The following TSPAN10 variants were observed in gnomAD, a reference collection of about 807,000 sequenced individuals.
TSPAN10 encodes the protein tetraspanin 10, also known as tetraspanin-10.
A neutral mutation model predicts 15.0 loss-of-function variants in TSPAN10; 11 were observed. That is an observed-to-expected ratio of 0.73 (90% CI 0.46 to 1.21). TSPAN10 has a LOEUF of 1.21. Ranked by LOEUF, TSPAN10 falls within the 50% of genes most tolerant of loss-of-function variation. The pLI, the probability that TSPAN10 is intolerant of heterozygous loss-of-function variation, is 0.00. For synonymous variants in TSPAN10, 241 were observed against 226.2 expected, an observed-to-expected ratio of 1.07 and a Z score of -0.59; for missense variants, 486 against 470.6, an observed-to-expected ratio of 1.03 and a Z score of -0.30.
chr17:81,642,997 A>ATATG (rs2036194651), intron 1 of TSPAN10, among the ~76,000 whole-genome samples: 1 of 21,084 alleles, frequency 4.7e-5, no homozygotes, highest in Admixed American at 6.6e-4. Flanking sequence ...ACAAAATATT[A>ATATG]TATATATATA....
intron 1 of TSPAN10, among the ~76,000 whole-genome samples, chr17:81,644,301 C>T (rs74002479): frequency 0.5 from 76,129 of 151,420 alleles, 21,029 homozygotes; most frequent in East Asian, 0.99. Context: ...AGCCTCCAGG[C>T]GGTCTTCCTG....
downstream of TSPAN10, chr17:81,648,329 G>A: frequency 8.3e-7 from 1 of 1,200,196 alleles, no homozygotes; most frequent in African/African-American, 1.6e-5. Context: ...GCCACGCACA[G>A]GGATACAGGG....
upstream of TSPAN10, among the ~76,000 whole-genome samples, chr17:81,640,517 C>T (rs141850521): frequency 1.7e-3 from 260 of 152,272 alleles, 7 homozygotes; most frequent in East Asian, 0.043. Context: ...GGCACCATCT[C>T]GGCTCACTGC....
upstream of TSPAN10, among the ~76,000 whole-genome samples, chr17:81,640,192 C>T (rs2036166142): frequency 6.6e-6 from 1 of 152,018 alleles, no homozygotes; most frequent in South Asian, 2.1e-4. Context: ...CTATGTTGCC[C>T]AGGCTGGTCT....
chr17:81,646,490 T>C (rs1333545789), intron 2 of TSPAN10: 1 of 151,688 alleles, frequency 6.6e-6, no homozygotes, highest in Non-Finnish European at 1.5e-5. Context: ...CCATTCTGGC[T>C]AACACGATGA....
At chr17:81,640,450 C>CA (rs1324116708), upstream of TSPAN10, among the ~76,000 whole-genome samples, 2 of 151,848 alleles carry the variant, frequency 1.3e-5, no homozygotes, top group Non-Finnish European at 2.9e-5. Context: ...ACGCTAATGG[C>CA]ACTTATTTAT....
exon 2 of TSPAN10, chr17:81,645,468 G>C (rs1356226811): frequency 1.9e-6 from 3 of 1,585,470 alleles, no homozygotes; most frequent in Non-Finnish European, 2.6e-6. Context: ...GGGCCCTGGT[G>C]GTGGCCCTCT....
upstream of TSPAN10, among the ~76,000 whole-genome samples, chr17:81,640,556 C>G (rs575298269): frequency 6.6e-6 from 1 of 152,270 alleles, no homozygotes; most frequent in South Asian, 2.1e-4. Context: ...CCCAGCAATT[C>G]CCCTGCCTCA....
upstream of TSPAN10, among the ~76,000 whole-genome samples, chr17:81,639,866 G>A (rs1174125016): frequency 6.6e-6 from 1 of 152,018 alleles, no homozygotes. Context: ...TGTAGTCCCA[G>A]CTACTCGGGA....
chr17:81,640,338 G>A (rs115468962), upstream of TSPAN10, among the ~76,000 whole-genome samples: 1,155 of 149,892 alleles, frequency 7.7e-3, 7 homozygotes, highest in African/African-American at 0.027. Flanking sequence ...CCTTCTCCCC[G>A]AGACCTCACA....
exon 3 of TSPAN10, chr17:81,647,992 G>T (rs201722214): frequency 1.9e-6 from 3 of 1,611,082 alleles, no homozygotes; most frequent in East Asian, 2.2e-5. Context: ...CTCTGTCAAC[G>T]ACCAGTGCGG....
chr17:81,644,974 TTCC>T lies in TSPAN10; in HGVS notation c.37-15_37-13del. ...TCTGGGTGAATGCGGTCTCACCCTG[TTCC>T]TCTTCCCTCTGCAGGAAACTGCAGG... On this transcript the variant is annotated splice_polypyrimidine_tract_variant and intron_variant, in intron 1 of 2. Transcript: ENST00000611590. The T allele has an allele frequency of 1.2e-6, 2 of 1,609,156 alleles. No individual in the cohort carries two copies. Among genetic ancestry groups the T allele is most frequent in the Non-Finnish European group, 1.7e-6 (2 of 1,179,540 alleles).
At chr17:81,647,499 G>C (rs958383538) in intron 2 of TSPAN10, 1 of 486,272 alleles carries the variant, frequency 2.1e-6, no homozygotes. Context: ...AAGACCTGTG[G>C]ACCATTCCAG....
upstream of TSPAN10, chr17:81,637,659 C>A: frequency 2.6e-6 from 1 of 386,382 alleles, no homozygotes; most frequent in Non-Finnish European, 4.8e-6. Flanking sequence ...TTAGGCCATA[C>A]GCGGTGGCTC....
At chr17:81,645,022 C>T (rs750770670) in exon 2 of TSPAN10, 2 of 1,610,336 alleles carry the variant, frequency 1.2e-6, no homozygotes, top group Non-Finnish European at 1.7e-6. Flanking sequence ...CCTCTCTGTG[C>T]ACAGGCCACC....
exon 2 of TSPAN10, chr17:81,645,165 C>T (rs1461285071): frequency 6.4e-7 from 1 of 1,558,158 alleles, no homozygotes; most frequent in South Asian, 1.2e-5. Context: ...CTTCCCTCTC[C>T]CCAGGGAGCA....
chr17:81,647,037 T>C (rs1212315553), intron 2 of TSPAN10, among the ~76,000 whole-genome samples: 1 of 152,042 alleles, frequency 6.6e-6, no homozygotes, highest in Non-Finnish European at 1.5e-5. Flanking sequence ...CTCCCAAGCC[T>C]TCTTGGTGCA....
chr17:81,643,892 C>T (rs1378047681), intron 1 of TSPAN10, among the ~76,000 whole-genome samples: 1 of 152,118 alleles, frequency 6.6e-6, no homozygotes, highest in Non-Finnish European at 1.5e-5. Flanking sequence ...GATCTCTGCT[C>T]ATGCAACCTC....
At chr17:81,637,348 G>A in exon 1 of TSPAN10, 1 of 684,606 alleles carries the variant, frequency 1.5e-6, no homozygotes, top group Non-Finnish European at 2.7e-6. Context: ...AACTACTGCT[G>A]CGTATTATAG....
Sources: gnomAD v4.1 joint callset for allele counts (sites outside exome capture counted in the v4.1 genomes callset) on GRCh38, gnomAD v4.1.1 for gene constraint, MANE v1.5 for transcripts, NCBI Gene and HGNC (gene_info 2026-07-23, HGNC 2026-07-21) for gene names.